The following CNTN6 variants were observed in gnomAD, a reference collection of about 807,000 sequenced individuals.
The protein encoded by CNTN6 is contactin-6.
A neutral mutation model predicts 122.8 loss-of-function variants in CNTN6; 137 were observed. The ratio of observed to expected loss-of-function variants is 1.12; its 90% CI spans 0.97 to 1.29. The LOEUF (loss-of-function observed/expected upper bound fraction) is 1.29. Ranked by LOEUF, CNTN6 falls within the 50% of genes most tolerant of loss-of-function variation. The pLI is 0.00. For missense variants in CNTN6, 1,634 were observed against 1,223.4 expected (o/e 1.34, Z -5.01); for synonymous variants, 570 against 426.0 (o/e 1.34, Z -4.16).
chr3:1,286,810 G>T (rs1694429119), intron 5 of CNTN6, among the ~76,000 whole-genome samples: 1 of 152,072 alleles, frequency 6.6e-6, no homozygotes, highest in South Asian at 2.1e-4. Context: ...CACATGCAAA[G>T]ACACATAGGA....
At chr3:1,324,748 C>T (rs1250282485) in intron 8 of CNTN6, among the ~76,000 whole-genome samples, 6 of 149,438 alleles carry the variant, frequency 4.0e-5, no homozygotes, top group Non-Finnish European at 7.4e-5. Context: ...TGATGCTTTT[C>T]CCTTGGGCTA....
At chr3:1,119,184 G>A (rs997762547) in intron 1 of CNTN6, among the ~76,000 whole-genome samples, 1 of 151,150 alleles carries the variant, frequency 6.6e-6, no homozygotes, top group Admixed American at 6.6e-5. Context: ...GTAACGTAGT[G>A]ATTTCAGGTT....
In CNTN6 at chr3:1,225,827, A is replaced by T. The variant is rs147860258; in HGVS notation, c.183-1991A>T. Among the ~76,000 whole-genome samples, 601 of 152,188 alleles carry T rather than the reference A, an allele frequency of 3.9e-3. 2 individuals carry two copies. The highest frequency in any genetic ancestry group is 5.0e-3 in the Non-Finnish European group (341 of 68,016). On this transcript the variant is annotated intron_variant, in intron 3 of 22. Transcript: ENST00000446702. ...ATGTACTCTTTAACTGCTGTCTTTC[A>T]ACTTCCAGGTGTGCAGGAAATGGCT...
chr3:1,383,089 T>C lies in CNTN6; in HGVS notation c.2314T>C (p.Ser772Pro). 1 of 1,614,010 alleles carries C rather than the reference T, an allele frequency of 6.2e-7. No individual in the cohort carries two copies. ...CAGAAATGAAAGCATCATCCCACTG[T>C]CTCCCTTTGAAGTCAAAGTGGGTGT... is the stretch of plus-strand genomic sequence containing the variant. ...VYRNESIIPL[S>P]PFEVKVGVYN... The change falls in exon 18 of 23, where the codon TCT becomes CCT. Residue 772 changes from serine to proline, a missense_variant. Ser to Pro is a moderately conservative substitution (Grantham distance 74). Transcript: ENST00000446702.
chr3:1,299,464 T>C (rs3772305), intron 7 of CNTN6, among the ~76,000 whole-genome samples: 38,686 of 152,096 alleles, frequency 0.25, 5,152 homozygotes, highest in Non-Finnish European at 0.3. Context: ...AATAAAATAA[T>C]TGAAAATGTT....
At chr3:1,214,117 G>A (rs1030351103) in intron 2 of CNTN6, among the ~76,000 whole-genome samples, 2 of 151,964 alleles carry the variant, frequency 1.3e-5, no homozygotes, top group African/African-American at 4.8e-5. Flanking sequence ...GTGTTTGAAA[G>A]TATTCTGTGT....
chr3:1,277,346 CTTTTTTTTTTTTTTTTTTTT>C (rs10599744), intron 4 of CNTN6, among the ~76,000 whole-genome samples: 11 of 80,172 alleles, frequency 1.4e-4, no homozygotes, highest in Admixed American at 6.6e-4. Flanking sequence ...AGTAGGTTTT[CTTTTTTTTTTTTTTTTTTTT>C]TTTTTTTTTT....
intron 4 of CNTN6, among the ~76,000 whole-genome samples, chr3:1,230,087 A>G (rs903992996): frequency 1.3e-5 from 2 of 152,196 alleles, no homozygotes; most frequent in African/African-American, 4.8e-5. Flanking sequence ...CCTAAAGTGC[A>G]TGAACTGTAC....
chr3:1,269,079 C>T (rs2094978532), intron 4 of CNTN6, among the ~76,000 whole-genome samples: 1 of 152,188 alleles, frequency 6.6e-6, no homozygotes, highest in South Asian at 2.1e-4. Context: ...AAGTCCCTCA[C>T]ATCATATATT....
chr3:1,292,276 A>G (rs1409684614), intron 5 of CNTN6, among the ~76,000 whole-genome samples: 3 of 152,144 alleles, frequency 2.0e-5, no homozygotes, highest in Admixed American at 1.3e-4. Flanking sequence ...CTTCAATGTA[A>G]ACAGACAGCT....
chr3:1,296,360 G>A (rs1202458401), intron 6 of CNTN6, among the ~76,000 whole-genome samples: 6 of 152,068 alleles, frequency 3.9e-5, no homozygotes, highest in African/African-American at 1.4e-4. Context: ...ATTCCTCCAA[G>A]GAACATAATT....
intron 5 of CNTN6, among the ~76,000 whole-genome samples, chr3:1,293,901 A>G (rs1178324270): frequency 6.6e-6 from 1 of 152,206 alleles, no homozygotes; most frequent in Non-Finnish European, 1.5e-5. Context: ...GCTTTAATAC[A>G]TATGAATATT....
At chr3:1,102,882 C>G (rs370561131) in intron 1 of CNTN6, among the ~76,000 whole-genome samples, 2 of 150,860 alleles carry the variant, frequency 1.3e-5, no homozygotes, top group Non-Finnish European at 3.0e-5. Context: ...CCGAGGCGGG[C>G]GGATCACGAG....
chr3:1,250,958 T>C (rs1026307946), intron 4 of CNTN6, among the ~76,000 whole-genome samples: 1 of 152,074 alleles, frequency 6.6e-6, no homozygotes, highest in African/African-American at 2.4e-5. Context: ...TCCTTTGCCA[T>C]TAAAATCATG....
chr3:1,326,391 TAGGCTACTTGTTTA>T (rs1189773539), intron 9 of CNTN6, among the ~76,000 whole-genome samples: 1 of 151,866 alleles, frequency 6.6e-6, no homozygotes, highest in African/African-American at 2.4e-5. Flanking sequence ...TCAAAGAGGT[TAGGCTACTTGTTTA>T]AGGTCACACA....
At chr3:1,157,487 G>T (rs965600152) in intron 2 of CNTN6, among the ~76,000 whole-genome samples, 13 of 152,122 alleles carry the variant, frequency 8.5e-5, no homozygotes, top group African/African-American at 3.1e-4. Flanking sequence ...AAAGTGCTGG[G>T]ATTACAGATA....
chr3:1,212,013 T>A (rs1243885980), intron 2 of CNTN6, among the ~76,000 whole-genome samples: 1 of 152,122 alleles, frequency 6.6e-6, no homozygotes, highest in Non-Finnish European at 1.5e-5. Flanking sequence ...TAAAAAGTTC[T>A]CAGTATTTAG....
chr3:1,142,743 A>T (rs528936246), intron 1 of CNTN6, among the ~76,000 whole-genome samples: 16 of 152,042 alleles, frequency 1.1e-4, no homozygotes, highest in South Asian at 2.1e-4. Flanking sequence ...TTGCAGTGAA[A>T]TTTTATTTAC....
intron 1 of CNTN6, among the ~76,000 whole-genome samples, chr3:1,122,801 A>AC (rs753121967): frequency 2.0e-5 from 3 of 151,900 alleles, no homozygotes; most frequent in Non-Finnish European, 4.4e-5. Context: ...TTATGGCTGA[A>AC]TAATATTCCA....
Sources: gnomAD v4.1 joint callset for allele counts (sites outside exome capture counted in the v4.1 genomes callset) on GRCh38, gnomAD v4.1.1 for gene constraint, MANE v1.5 for transcripts, NCBI Gene and HGNC (gene_info 2026-07-23, HGNC 2026-07-21) for gene names.